Variants in TAOK3 observed in about 807,000 individuals in gnomAD.
TAOK3 encodes serine/threonine-protein kinase TAO3.
A neutral mutation model predicts 120.4 loss-of-function variants in TAOK3; 40 were observed. That is an observed-to-expected ratio of 0.33 (90% CI 0.26 to 0.43). The LOEUF (loss-of-function observed/expected upper bound fraction) is 0.43, where lower values mean the gene tolerates loss of function less well. Ranked by LOEUF, TAOK3 falls within the 20% of genes least tolerant of loss-of-function variation. The pLI is 1.00. For missense variants in TAOK3, 821 were observed against 1,112.1 expected (o/e 0.74, Z 3.72); for synonymous variants, 355 against 387.5 (o/e 0.92, Z 0.99).
At chr12:118,367,115 G>A (rs1049634064) in intron 1 of TAOK3, among the ~76,000 whole-genome samples, 2 of 152,152 alleles carry the variant, frequency 1.3e-5, no homozygotes, top group Non-Finnish European at 2.9e-5. Flanking sequence ...ACACACTCTA[G>A]GGATTAAACA....
chr12:118,347,444 A>T (rs2044913762), intron 1 of TAOK3, among the ~76,000 whole-genome samples: 1 of 152,026 alleles, frequency 6.6e-6, no homozygotes, highest in African/African-American at 2.4e-5. Flanking sequence ...TCAAGGTATC[A>T]TTTATTGAGG....
At chr12:118,291,849 C>T (rs111500191) in intron 1 of TAOK3, among the ~76,000 whole-genome samples, 1 of 152,048 alleles carries the variant, frequency 6.6e-6, no homozygotes, top group African/African-American at 2.4e-5. Context: ...GAGTCTCGCT[C>T]TGTTGCCCAG....
At chr12:118,211,954 T>C (rs778411497) in intron 11 of TAOK3, among the ~76,000 whole-genome samples, 1 of 152,242 alleles carries the variant, frequency 6.6e-6, no homozygotes, top group Non-Finnish European at 1.5e-5. Context: ...AAGTAGTTCA[T>C]GTTTAAAACA....
intron 1 of TAOK3, among the ~76,000 whole-genome samples, chr12:118,278,799 T>A (rs1309294406): frequency 6.6e-6 from 1 of 152,098 alleles, no homozygotes; most frequent in African/African-American, 2.4e-5. Context: ...CTTGACAGCA[T>A]CTGTTATTTT....
chr12:118,217,885 G>A (rs1384248988), intron 9 of TAOK3, among the ~76,000 whole-genome samples: 1 of 106,080 alleles, frequency 9.4e-6, no homozygotes, highest in Non-Finnish European at 1.8e-5. Flanking sequence ...TTTTTGAGAC[G>A]GAGTCTCGCT....
chr12:118,172,358 G>A, intron 17 of TAOK3, 99 bp downstream of exon 17: 1 of 1,308,794 alleles, frequency 7.6e-7, no homozygotes, highest in Non-Finnish European at 1.1e-6. Context: ...GGCTAGAAAG[G>A]CTAGGGATAT....
intron 1 of TAOK3, among the ~76,000 whole-genome samples, chr12:118,353,280 C>T (rs1478288004): frequency 6.6e-6 from 1 of 152,070 alleles, no homozygotes; most frequent in African/African-American, 2.4e-5. Context: ...AGGTAGTACA[C>T]TTCACACAGG....
chr12:118,176,726 A>G (rs2036358306), intron 16 of TAOK3, among the ~76,000 whole-genome samples: 1 of 152,104 alleles, frequency 6.6e-6, no homozygotes, highest in South Asian at 2.1e-4. Flanking sequence ...AAATCTGAAA[A>G]TCTGGGGGTG....
Position 118,150,956 on chromosome 12 carries a change from C to CTT in TAOK3, c.*39_*40dup, listed in dbSNP as rs201481032. ...CAGGGTCTGAATTTTTTTCTGTTTTCTTTTTTTTTTTTTTTTTTGTAAATG... is the reference window on the plus strand; with the variant it reads ...CAGGGTCTGAATTTTTTTCTGTTTTCTTTTTTTTTTTTTTTTTTTTGTAAATG... On this transcript the variant is annotated 3_prime_UTR_variant, in exon 21 of 21. Coordinates refer to ENST00000392533, the MANE Select transcript of TAOK3 (RefSeq NM_016281.4). 8.4e-3 allele frequency: 10,374 copies of CTT among 1,241,838 alleles called. 73 individuals carry two copies. The highest frequency in any genetic ancestry group is 0.022 in the African/African-American group (1,289 of 57,852). The allele number at this position is 1,241,838 out of a possible 1,614,324, so 76.9% of individuals were successfully genotyped here. A position where few individuals can be genotyped will look rare whatever the true frequency, so the allele number is the denominator to read the frequency against.
intron 17 of TAOK3, among the ~76,000 whole-genome samples, chr12:118,169,000 C>CCTTCCTTCCTTCCTTCCTTT (rs1555211257): frequency 1.7e-4 from 9 of 54,062 alleles, no homozygotes; most frequent in African/African-American, 5.1e-4. Flanking sequence ...TTCCTTCCTT[C>CCTTCCTTCCTTCCTTCCTTT]CTTTCTTTCT....
At chr12:118,260,712 G>A (rs749604268) in intron 2 of TAOK3, among the ~76,000 whole-genome samples, 13 of 152,072 alleles carry the variant, frequency 8.5e-5, no homozygotes, top group Non-Finnish European at 1.8e-4. Context: ...ATGGAGTCTC[G>A]TTCTGTTGCC....
chr12:118,233,824 A>G, intron 8 of TAOK3, 59 bp from the exon 9 acceptor site: 1 of 1,146,926 alleles, frequency 8.7e-7, no homozygotes, highest in African/African-American at 1.5e-5. Flanking sequence ...TTCTCCAGGA[A>G]AGTGATTCAA....
chr12:118,260,744 A>G (rs1176889069), intron 2 of TAOK3, among the ~76,000 whole-genome samples: 1 of 152,172 alleles, frequency 6.6e-6, no homozygotes, highest in Non-Finnish European at 1.5e-5. Context: ...GCAGTGGTGC[A>G]ATCTCAGCTC....
At chr12:118,323,888 T>C (rs1412572576) in intron 1 of TAOK3, among the ~76,000 whole-genome samples, 1 of 151,856 alleles carries the variant, frequency 6.6e-6, no homozygotes, top group East Asian at 1.9e-4. Context: ...CTGAACAAAT[T>C]AAGAGGAATA....
At chr12:118,336,417 G>A (rs2044368782) in intron 1 of TAOK3, among the ~76,000 whole-genome samples, 1 of 152,082 alleles carries the variant, frequency 6.6e-6, no homozygotes, top group Non-Finnish European at 1.5e-5. Flanking sequence ...AATAAACCAT[G>A]ACCTAAACCT....
intron 1 of TAOK3, among the ~76,000 whole-genome samples, chr12:118,312,684 T>C (rs1233453517): frequency 6.6e-6 from 1 of 152,218 alleles, no homozygotes; most frequent in Non-Finnish European, 1.5e-5. Flanking sequence ...AGGAAATTAA[T>C]TGTCCACAGT....
intron 1 of TAOK3, among the ~76,000 whole-genome samples, chr12:118,283,907 G>C (rs900782752): frequency 6.6e-6 from 1 of 152,168 alleles, no homozygotes; most frequent in Non-Finnish European, 1.5e-5. Context: ...CAGTCTATTG[G>C]GTCTAGATTG....
intron 1 of TAOK3, among the ~76,000 whole-genome samples, chr12:118,296,708 A>G (rs981785612): frequency 6.6e-5 from 10 of 152,334 alleles, no homozygotes; most frequent in African/African-American, 2.4e-4. Flanking sequence ...CTTTTACAAA[A>G]GCCAAAGTAT....
chr12:118,348,845 CTTTT>C (rs756607862), intron 1 of TAOK3, among the ~76,000 whole-genome samples: 1 of 127,812 alleles, frequency 7.8e-6, no homozygotes. Context: ...AAAATAATTT[CTTTT>C]TTTTTTTTTT....
Sources: allele counts gnomAD v4.1 joint callset (sites outside exome capture counted in the v4.1 genomes callset), GRCh38; gene constraint gnomAD v4.1.1; transcripts MANE v1.5; gene names NCBI Gene and HGNC (gene_info 2026-07-23, HGNC 2026-07-21).